Variants in SLC45A2 observed in about 807,000 individuals in gnomAD.
SLC45A2 encodes the protein membrane-associated transporter protein.
A neutral mutation model predicts 45.5 loss-of-function variants in SLC45A2; 36 were observed. The observed-to-expected ratio is 0.79, with a 90% CI of 0.61 to 1.04. SLC45A2 has a LOEUF of 1.04. Among genes scored for constraint, SLC45A2 ranks in the 50% least tolerant of loss-of-function variants. The pLI is 0.00. For synonymous variants in SLC45A2, 306 were observed against 269.3 expected, an observed-to-expected ratio of 1.14 and a Z score of -1.33; for missense variants, 719 against 671.0, an observed-to-expected ratio of 1.07 and a Z score of -0.79.
chr5:33,961,100 G>A (rs1338692000), intron 3 of SLC45A2, among the ~76,000 whole-genome samples: 1 of 152,150 alleles, frequency 6.6e-6, no homozygotes, highest in African/African-American at 2.4e-5. Context: ...GTAATTAATA[G>A]CTATTGAATG....
intron 1 of SLC45A2, among the ~76,000 whole-genome samples, chr5:33,983,740 C>T (rs544569595): frequency 1.2e-4 from 18 of 152,194 alleles, no homozygotes; most frequent in East Asian, 5.8e-4. Context: ...TTATGCCCTA[C>T]GCCTATTAAA....
intron 3 of SLC45A2, among the ~76,000 whole-genome samples, chr5:33,960,765 T>C (rs182369839): frequency 1.3e-3 from 202 of 151,908 alleles, no homozygotes; most frequent in Middle Eastern, 3.4e-3. Context: ...TGGAAATACA[T>C]TTTTTTTAAA....
At chr5:33,975,516 T>A (rs773062330) in intron 2 of SLC45A2, among the ~76,000 whole-genome samples, 1 of 152,214 alleles carries the variant, frequency 6.6e-6, no homozygotes, top group African/African-American at 2.4e-5. Context: ...AATATAATTA[T>A]CCTTTAATTA....
At chr5:33,964,485 T>C (rs977473317) in intron 2 of SLC45A2, among the ~76,000 whole-genome samples, 1 of 152,190 alleles carries the variant, frequency 6.6e-6, no homozygotes, top group Non-Finnish European at 1.5e-5. Flanking sequence ...TGCAGTTTCT[T>C]ATTATTAAGC....
rs548375884 is a variant in SLC45A2 at position 33,960,772 on chromosome 5, T to TA, written c.888+2918dup. On this transcript the variant is annotated intron_variant, in intron 3 of 6. Coordinates refer to ENST00000296589, the MANE Select transcript of SLC45A2 (RefSeq NM_016180.5). ...ATAGCCTATGGAAATACATTTTTTT[T>TA]AAAAAAAGGGCATTAGTAGAAAAAC... 8.0e-4 allele frequency among the ~76,000 whole-genome samples: 122 copies of TA among 152,048 alleles called. 1 individual carries two copies. The highest frequency in any genetic ancestry group is 6.8e-3 in the Middle Eastern group (2 of 294).
intron 4 of SLC45A2, among the ~76,000 whole-genome samples, chr5:33,953,606 T>C (rs1476350295): frequency 9.5e-5 from 14 of 147,826 alleles, no homozygotes; most frequent in African/African-American, 3.5e-4. Flanking sequence ...TGCAAAATCA[T>C]GCCAAAATGT....
At chr5:33,970,709 CTCA>C (rs1385357979) in intron 2 of SLC45A2, among the ~76,000 whole-genome samples, 1 of 152,228 alleles carries the variant, frequency 6.6e-6, no homozygotes, top group African/African-American at 2.4e-5. Context: ...GAATATCCAT[CTCA>C]CCAATATTTT....
intron 2 of SLC45A2, among the ~76,000 whole-genome samples, chr5:33,977,390 A>T (rs1292367302): frequency 6.6e-6 from 1 of 152,248 alleles, no homozygotes; most frequent in African/African-American, 2.4e-5. Flanking sequence ...TGATGGAGTT[A>T]TCTACCTCAC....
rs1270616950 is a variant in SLC45A2 at position 33,984,378 on chromosome 5, A to G, written c.206T>C (p.Leu69Pro). ...GCTGAGGAACCACACAATGCTGTAC[A>G]GGCTGCTGGGCAGACCTACGCTGAG... The part of the protein sequence containing the change: ...VLLSVGLPSS[L>P]YSIVWFLSPI... The change falls in exon 1 of 7, where the codon CTG becomes CCG. Residue 69 changes from leucine (L) to proline (P), a missense_variant. Physicochemically the swap from Leu to Pro is moderately conservative, Grantham distance 98. Coordinates refer to ENST00000296589, the MANE Select transcript of SLC45A2 (RefSeq NM_016180.5). The G allele has an allele frequency of 3.1e-6, 5 of 1,613,814 alleles. No individual in the cohort carries two copies. The highest frequency in any genetic ancestry group is 4.2e-6 in the Non-Finnish European group (5 of 1,179,828).
rs111237741 is a variant in SLC45A2, at chr5:33,952,222, C to T, written c.1033-545G>A. 4.6e-5 allele frequency among the ~76,000 whole-genome samples: 7 copies of T among 152,220 alleles called. 1 individual carries two copies. Among genetic ancestry groups the T allele is most frequent in the African/African-American group, 1.7e-4 (7 of 41,518 alleles). ...GGTCACCGCATCCTTGAACCCCTGG[C>T]CTCAAATGATTGCTCCACCTTGGCC... On this transcript the variant is annotated intron_variant, in intron 4 of 6. Coordinates refer to ENST00000296589, the MANE Select transcript of SLC45A2 (RefSeq NM_016180.5).
At chr5:33,960,296 T>A (rs1168557026) in intron 3 of SLC45A2, among the ~76,000 whole-genome samples, 1 of 151,902 alleles carries the variant, frequency 6.6e-6, no homozygotes, top group Admixed American at 6.6e-5. Context: ...TATATATATA[T>A]ATCATAGTTT....
rs779605677 is a variant in SLC45A2, at chr5:33,951,686, G to C, written c.1033-9C>G. ...TCCCCGCGGTACACAATCTGAAAGA[G>C]AGATTGGAGGCTGTTGAGGTACAAA... On this transcript the variant is annotated splice_polypyrimidine_tract_variant and intron_variant, in intron 4 of 6. Coordinates refer to ENST00000296589, the MANE Select transcript of SLC45A2 (RefSeq NM_016180.5). 6.2e-7 allele frequency: 1 copy of C among 1,614,194 alleles called. No homozygotes were observed. Among genetic ancestry groups the C allele is most frequent in the Admixed American group, 1.7e-5 (1 of 60,020 alleles).
intron 3 of SLC45A2, 171 bp downstream of exon 3, chr5:33,963,520 A>G (rs962775292): frequency 2.1e-5 from 15 of 705,662 alleles, no homozygotes; most frequent in Non-Finnish European, 3.3e-5. Flanking sequence ...TTTTTCTTTG[A>G]GATATAAAAT....
chr5:33,969,818 G>A (rs990761929), intron 2 of SLC45A2, among the ~76,000 whole-genome samples: 6 of 152,148 alleles, frequency 3.9e-5, no homozygotes, highest in African/African-American at 1.4e-4. Flanking sequence ...AGAGCAAGAA[G>A]ATAGGTGCCT....
chr5:33,951,182 A>G (rs1752085034), intron 5 of SLC45A2, among the ~76,000 whole-genome samples: 1 of 152,154 alleles, frequency 6.6e-6, no homozygotes, highest in Admixed American at 6.6e-5. Context: ...CTTCTGTATC[A>G]TCTACAAATC....
intron 2 of SLC45A2, among the ~76,000 whole-genome samples, chr5:33,979,306 A>G (rs1055764113): frequency 6.6e-6 from 1 of 152,248 alleles, no homozygotes; most frequent in African/African-American, 2.4e-5. Flanking sequence ...CAATTGGTTG[A>G]AAGAGTTATC....
Position 33,984,520 on chromosome 5 carries a change from A to C in SLC45A2, c.64T>G (p.Phe22Val), listed in dbSNP as rs750456888. ...IYKSLADDGP[F>V]DSVEPPKRPT... ...CTTTTAGGCGGCTCCACAGAGTCAA[A>C]GGGGCCATCATCAGCTAGGGATTTA... Residue 22 changes from phenylalanine to valine, a missense_variant, in exon 1 of 7, where the codon TTT becomes GTT. Physicochemically the swap from Phe to Val is conservative, Grantham distance 50. Transcript: ENST00000296589. 1.2e-6 allele frequency: 2 copies of C among 1,612,966 alleles called. No individual in the cohort carries two copies. Among genetic ancestry groups the C allele is most frequent in the Non-Finnish European group, 1.7e-6 (2 of 1,180,012 alleles).
intron 2 of SLC45A2, among the ~76,000 whole-genome samples, chr5:33,975,604 C>T (rs956889738): frequency 6.6e-6 from 1 of 152,154 alleles, no homozygotes; most frequent in Non-Finnish European, 1.5e-5. Context: ...TCTTATTAAG[C>T]TAACATTCAA....
At chr5:33,951,518 T>G in intron 5 of SLC45A2, 36 bp downstream of exon 5, 1 of 1,613,752 alleles carries the variant, frequency 6.2e-7, no homozygotes, top group Non-Finnish European at 8.5e-7. Flanking sequence ...GACCAGAAAC[T>G]TTTAGAAGAC....
Sources: gnomAD v4.1 joint callset for allele counts (sites outside exome capture counted in the v4.1 genomes callset) on GRCh38, gnomAD v4.1.1 for gene constraint, MANE v1.5 for transcripts, NCBI Gene and HGNC (gene_info 2026-07-23, HGNC 2026-07-21) for gene names.